CSGALNACT1: variants seen among roughly 807,000 people sequenced by gnomAD.
CSGALNACT1 encodes the protein beta4GalNAcT-1.
CSGALNACT1 carries 52 observed loss-of-function variants against 51.0 expected under a neutral mutation model. The ratio of observed to expected loss-of-function variants is 1.02; its 90% CI spans 0.82 to 1.29. The LOEUF is 1.29. Among genes scored for constraint, CSGALNACT1 ranks in the 50% most tolerant of loss-of-function variants. CSGALNACT1 has a pLI of 0.00. For synonymous variants in CSGALNACT1, 341 were observed against 254.4 expected (o/e 1.34, Z -3.24); for missense variants, 935 against 679.2 (o/e 1.38, Z -4.19).
At chr8:19,515,332 T>C (rs2079310993) in intron 3 of CSGALNACT1, among the ~76,000 whole-genome samples, 1 of 152,160 alleles carries the variant, frequency 6.6e-6, no homozygotes, top group Non-Finnish European at 1.5e-5. Context: ...TTCAAGATGC[T>C]CCTTGAGTCT....
At chr8:19,722,354 A>C (rs77280904) in intron 1 of CSGALNACT1, among the ~76,000 whole-genome samples, 2,522 of 152,306 alleles carry the variant, frequency 0.017, 63 homozygotes, top group African/African-American at 0.053. Context: ...TGATGCCTTT[A>C]GCTAATTAAA....
At chr8:19,429,908 C>T (rs1412737408) in intron 6 of CSGALNACT1, among the ~76,000 whole-genome samples, 1 of 152,234 alleles carries the variant, frequency 6.6e-6, no homozygotes, top group Non-Finnish European at 1.5e-5. Flanking sequence ...TTGTGGATTA[C>T]AGCCATCCCG....
chr8:19,655,121 G>GTGAT (rs1311887195), intron 1 of CSGALNACT1, among the ~76,000 whole-genome samples: 3 of 152,126 alleles, frequency 2.0e-5, no homozygotes, highest in Admixed American at 2.0e-4. Context: ...TTGGAAAATA[G>GTGAT]TGATTAGCAG....
At position 19,493,570 on chromosome 8, in the gene CSGALNACT1, T is replaced by G. The variant is rs145156857; in HGVS notation, c.634+11631A>C. ...CTGCTGATTTGCCTATGCTGGACAT[T>G]TCACAGACATGGAATTATAGGACAT... On this transcript the variant is annotated intron_variant, in intron 4 of 9. Transcript: ENST00000454498. Among the ~76,000 whole-genome samples, 13 of 152,352 alleles carry G rather than the reference T, an allele frequency of 8.5e-5. No individual in the cohort carries two copies. In the East Asian group the frequency reaches 2.5e-3, roughly 29 times the overall value.
chr8:19,587,703 T>C (rs1245229327), intron 3 of CSGALNACT1, among the ~76,000 whole-genome samples: 1 of 152,206 alleles, frequency 6.6e-6, no homozygotes, highest in African/African-American at 2.4e-5. Context: ...AGGGCATAGA[T>C]ACTCCTGCAT....
intron 7 of CSGALNACT1, among the ~76,000 whole-genome samples, chr8:19,419,677 T>A (rs1429498237): frequency 1.3e-5 from 2 of 152,110 alleles, no homozygotes. Flanking sequence ...CTCCACCTCC[T>A]CCCCACCTCG....
chr8:19,732,865 A>G (rs2063766687), intron 1 of CSGALNACT1, among the ~76,000 whole-genome samples: 1 of 152,206 alleles, frequency 6.6e-6, no homozygotes, highest in Non-Finnish European at 1.5e-5. Context: ...TAATTTATCT[A>G]TTTTGTAACT....
intron 3 of CSGALNACT1, among the ~76,000 whole-genome samples, chr8:19,522,165 G>A (rs4922053): frequency 0.83 from 126,915 of 152,134 alleles, 52,938 homozygotes; most frequent in South Asian, 0.89. Context: ...TATGAAATCA[G>A]TGTGAGCTAA....
intron 6 of CSGALNACT1, among the ~76,000 whole-genome samples, chr8:19,439,386 CTGTT>C (rs2060929781): frequency 6.6e-6 from 1 of 152,218 alleles, no homozygotes; most frequent in South Asian, 2.1e-4. Flanking sequence ...AAGGGTGAGA[CTGTT>C]TGCTAAGTGG....
At chr8:19,634,623 C>T (rs552149603) in intron 1 of CSGALNACT1, among the ~76,000 whole-genome samples, 3 of 152,308 alleles carry the variant, frequency 2.0e-5, no homozygotes, top group African/African-American at 4.8e-5. Context: ...GATTGCACCA[C>T]TGTATTCCAG....
chr8:19,419,594 G>C (rs537497407), intron 7 of CSGALNACT1, among the ~76,000 whole-genome samples: 1 of 152,198 alleles, frequency 6.6e-6, no homozygotes, highest in Non-Finnish European at 1.5e-5. Flanking sequence ...TGGGTTCTTT[G>C]TGCGAATAGC....
chr8:19,573,056 G>T (rs1564103884), intron 3 of CSGALNACT1, among the ~76,000 whole-genome samples: 1 of 152,206 alleles, frequency 6.6e-6, no homozygotes, highest in Non-Finnish European at 1.5e-5. Context: ...AAATGAACTG[G>T]AAGTGGGTTT....
At chr8:19,620,207 C>G (rs775274513) in intron 1 of CSGALNACT1, among the ~76,000 whole-genome samples, 2 of 149,448 alleles carry the variant, frequency 1.3e-5, no homozygotes, top group Non-Finnish European at 3.0e-5. Context: ...CCCAGTTACT[C>G]GGGAGGCTGA....
At chr8:19,611,032 C>T (rs563209247) in intron 1 of CSGALNACT1, among the ~76,000 whole-genome samples, 91 of 152,314 alleles carry the variant, frequency 6.0e-4, no homozygotes, top group Admixed American at 9.8e-4. Context: ...AGCAGCGAGC[C>T]GCTCCCCCTG....
At chr8:19,703,984 TCTA>T (rs562450936) in intron 1 of CSGALNACT1, among the ~76,000 whole-genome samples, 99 of 152,286 alleles carry the variant, frequency 6.5e-4, no homozygotes, top group Non-Finnish European at 1.1e-3. Flanking sequence ...GAGGGTATCA[TCTA>T]TGTCTGATTT....
chr8:19,404,442 T>C (rs758930870), exon 10 of CSGALNACT1: 16 of 452,974 alleles, frequency 3.5e-5, no homozygotes, highest in South Asian at 2.0e-4. Context: ...TTTTAAAAAA[T>C]AGTTTGAAAT....
intron 5 of CSGALNACT1, among the ~76,000 whole-genome samples, chr8:19,450,515 G>T (rs1224016067): frequency 6.6e-6 from 1 of 152,100 alleles, no homozygotes; most frequent in Non-Finnish European, 1.5e-5. Context: ...TTCACGTGAA[G>T]CCTGTGAGGG....
At chr8:19,699,834 G>A (rs1205926226) in intron 1 of CSGALNACT1, among the ~76,000 whole-genome samples, 1 of 152,154 alleles carries the variant, frequency 6.6e-6, no homozygotes, top group African/African-American at 2.4e-5. Context: ...CTTAGGGGCT[G>A]GGCACGGTGG....
At chr8:19,546,267 T>C (rs980883464) in intron 3 of CSGALNACT1, among the ~76,000 whole-genome samples, 1 of 152,322 alleles carries the variant, frequency 6.6e-6, no homozygotes, top group Admixed American at 6.5e-5. Flanking sequence ...TTTTTGTAAG[T>C]AAGTTGAACA....
Sources: gnomAD v4.1 joint callset for allele counts (sites outside exome capture counted in the v4.1 genomes callset) on GRCh38, gnomAD v4.1.1 for gene constraint, MANE v1.5 for transcripts, NCBI Gene and HGNC (gene_info 2026-07-23, HGNC 2026-07-21) for gene names.